The following SLC44A5 variants were observed in gnomAD, a reference collection of about 807,000 sequenced individuals.
SLC44A5 encodes choline transporter-like protein 5.
SLC44A5 carries 57 observed loss-of-function variants against 101.8 expected under a neutral mutation model. The observed-to-expected ratio is 0.56, with a 90% confidence interval of 0.45 to 0.70. The LOEUF (loss-of-function observed/expected upper bound fraction) is 0.70, where lower values mean the gene tolerates loss of function less well. SLC44A5 is among the 30% of genes least tolerant of loss of function. The pLI, the probability that SLC44A5 is intolerant of heterozygous loss-of-function variation, is 0.00. For missense variants in SLC44A5, 737 were observed against 853.1 expected (o/e 0.86, Z 1.70); for synonymous variants, 281 against 290.9 (o/e 0.97, Z 0.35).
chr1:75,683,050 A>G, the SLC44A5 span, among the ~76,000 whole-genome samples: 3 of 152,068 alleles, frequency 2.0e-5, no homozygotes, highest in South Asian at 2.1e-4. Flanking sequence ...TCAAAACCAC[A>G]ATGAGATACC....
chr1:75,504,145 A>C (rs967648001), intron 2 of SLC44A5, among the ~76,000 whole-genome samples: 1 of 152,174 alleles, frequency 6.6e-6, no homozygotes, highest in Non-Finnish European at 1.5e-5. Context: ...GTGTGTCATA[A>C]AGTTATCTTA....
At chr1:75,636,497 T>C in the SLC44A5 span, among the ~76,000 whole-genome samples, 242 of 152,176 alleles carry the variant, frequency 1.6e-3, 1 homozygote, top group African/African-American at 5.4e-3. Context: ...AAACCCAAAA[T>C]CCTGATTTAG....
rs116445978 is a variant in SLC44A5 at position 75,429,310 on chromosome 1, G to C, written c.14-32689C>G. 4.0e-3 allele frequency among the ~76,000 whole-genome samples: 616 copies of C among 152,232 alleles called. 5 individuals carry two copies. The highest frequency in any genetic ancestry group is 0.014 in the African/African-American group (592 of 41,536). Reference sequence around the variant, plus strand: ...ATGTGTGCCACATTCTAAGTTATTCGACTTGTGCTACAAGTTCTTGTTGGA... The same window carrying C: ...ATGTGTGCCACATTCTAAGTTATTCCACTTGTGCTACAAGTTCTTGTTGGA... On this transcript the variant is annotated intron_variant, in intron 2 of 23. Transcript: ENST00000370859.
intron 6 of SLC44A5, among the ~76,000 whole-genome samples, chr1:75,254,485 C>A (rs965310009): frequency 2.0e-5 from 3 of 152,134 alleles, no homozygotes; most frequent in Non-Finnish European, 2.9e-5. Flanking sequence ...ACTACTAGTT[C>A]CAGGTGATGT....
chr1:75,668,635 A>T, the SLC44A5 span, among the ~76,000 whole-genome samples: 1 of 151,076 alleles, frequency 6.6e-6, no homozygotes, highest in African/African-American at 2.5e-5. Flanking sequence ...GGAGCTTTTC[A>T]ATAGTATTTT....
chr1:75,512,613 TGA>T (rs569127835), intron 2 of SLC44A5, among the ~76,000 whole-genome samples: 4 of 152,280 alleles, frequency 2.6e-5, no homozygotes, highest in Non-Finnish European at 5.9e-5. Context: ...ATGAAGCTAA[TGA>T]GAGAGACAAC....
chr1:75,389,931 A>G (rs192300933), intron 3 of SLC44A5, among the ~76,000 whole-genome samples: 7 of 152,208 alleles, frequency 4.6e-5, no homozygotes, highest in African/African-American at 1.7e-4. Context: ...GCTAGATTAA[A>G]AAAGAAAAAA....
chr1:75,259,012 C>T (rs1650259308), intron 6 of SLC44A5, among the ~76,000 whole-genome samples: 1 of 152,002 alleles, frequency 6.6e-6, no homozygotes, highest in Non-Finnish European at 1.5e-5. Flanking sequence ...ACTCAGAGAC[C>T]CCAGCCAAAG....
intron 3 of SLC44A5, among the ~76,000 whole-genome samples, chr1:75,370,040 T>G (rs529023826): frequency 6.6e-6 from 1 of 152,338 alleles, no homozygotes; most frequent in South Asian, 2.1e-4. Flanking sequence ...TAGGTTAGGC[T>G]TTTACACTAA....
chr1:75,447,860 A>T (rs1267245651), intron 2 of SLC44A5, among the ~76,000 whole-genome samples: 1 of 152,188 alleles, frequency 6.6e-6, no homozygotes, highest in African/African-American at 2.4e-5. Context: ...ATTATACCTT[A>T]ATGGTTTAGT....
chr1:75,314,363 C>T (rs530543079), intron 4 of SLC44A5, among the ~76,000 whole-genome samples: 7 of 152,274 alleles, frequency 4.6e-5, no homozygotes, highest in African/African-American at 1.4e-4. Flanking sequence ...AAAAAACACG[C>T]CAGCATCATC....
At chr1:75,588,868 T>C (rs1490769957) in intron 1 of SLC44A5, among the ~76,000 whole-genome samples, 2 of 152,178 alleles carry the variant, frequency 1.3e-5, no homozygotes, top group Non-Finnish European at 2.9e-5. Context: ...ATTTACAGTC[T>C]AGTAGAGAAG....
upstream of SLC44A5, among the ~76,000 whole-genome samples, chr1:75,614,166 C>T (rs955646856): frequency 1.8e-4 from 28 of 152,174 alleles, no homozygotes; most frequent in African/African-American, 5.8e-4. Context: ...AAGTGTAGCT[C>T]ATACGCCTTG....
chr1:75,708,493 G>A, the SLC44A5 span, among the ~76,000 whole-genome samples: 1 of 138,834 alleles, frequency 7.2e-6, no homozygotes, highest in South Asian at 2.3e-4. Context: ...ATGTGCCAAA[G>A]AAATAACTGG....
chr1:75,534,026 CT>C (rs958977293), intron 2 of SLC44A5, among the ~76,000 whole-genome samples: 3 of 152,238 alleles, frequency 2.0e-5, no homozygotes, highest in African/African-American at 7.2e-5. Context: ...ATAAGTGGCT[CT>C]TTTGCCCTGA....
At chr1:75,212,433 A>G (rs1646876748) in intron 22 of SLC44A5, among the ~76,000 whole-genome samples, 1 of 152,152 alleles carries the variant, frequency 6.6e-6, no homozygotes, top group Non-Finnish European at 1.5e-5. Context: ...TATAAGTGAG[A>G]ACATGCAGCA....
intron 23 of SLC44A5, chr1:75,205,441 C>T (rs983657939): frequency 6.6e-6 from 1 of 152,154 alleles, no homozygotes; most frequent in African/African-American, 2.4e-5. Context: ...TACACATTTG[C>T]ACACAGGGGA....
At chr1:75,621,265 AAT>A in the SLC44A5 span, among the ~76,000 whole-genome samples, 2 of 152,162 alleles carry the variant, frequency 1.3e-5, no homozygotes, top group African/African-American at 4.8e-5. Context: ...CCTTTTGAAA[AAT>A]AGACACAGAA....
chr1:75,515,419 C>T (rs1669777770), intron 2 of SLC44A5, among the ~76,000 whole-genome samples: 1 of 151,900 alleles, frequency 6.6e-6, no homozygotes, highest in Non-Finnish European at 1.5e-5. Flanking sequence ...TACCTTTAAC[C>T]ATTATCTTCC....
Sources: allele counts gnomAD v4.1 joint callset (sites outside exome capture counted in the v4.1 genomes callset), GRCh38; gene constraint gnomAD v4.1.1; transcripts MANE v1.5; gene names NCBI Gene and HGNC (gene_info 2026-07-23, HGNC 2026-07-21).